PACS1: variants seen among roughly 807,000 people sequenced by gnomAD.
PACS1 encodes the protein PACS-1.
Under a neutral mutation model 115.0 loss-of-function variants are expected in PACS1, and 24 were observed. The ratio of observed to expected loss-of-function variants is 0.21; its 90% CI spans 0.15 to 0.29. The LOEUF (loss-of-function observed/expected upper bound fraction) is 0.29, where lower values mean the gene tolerates loss of function less well. Ranked by LOEUF, PACS1 falls within the 10% of genes least tolerant of loss-of-function variation. The pLI is 1.00. For missense variants in PACS1, 838 were observed against 1,251.2 expected, an observed-to-expected ratio of 0.67 and a Z score of 4.98; for synonymous variants, 453 against 504.5, an observed-to-expected ratio of 0.90 and a Z score of 1.37.
At chr11:66,175,525 C>T (rs957522408) in intron 1 of PACS1, among the ~76,000 whole-genome samples, 2 of 152,156 alleles carry the variant, frequency 1.3e-5, no homozygotes, top group African/African-American at 4.8e-5. Flanking sequence ...GCTCTAACTT[C>T]TCTGTTTTCT....
At chr11:66,129,323 T>G (rs1858649877) in intron 1 of PACS1, among the ~76,000 whole-genome samples, 1 of 151,342 alleles carries the variant, frequency 6.6e-6, no homozygotes, top group Non-Finnish European at 1.5e-5. Flanking sequence ...TCCCAGCTAC[T>G]TAGGAAGTTG....
At chr11:66,139,219 G>T (rs1439218432) in intron 1 of PACS1, among the ~76,000 whole-genome samples, 1 of 152,110 alleles carries the variant, frequency 6.6e-6, no homozygotes, top group Non-Finnish European at 1.5e-5. Flanking sequence ...TGGGTACATA[G>T]TGGGTGTATA....
chr11:66,158,196 T>G (rs1458367200), intron 1 of PACS1, among the ~76,000 whole-genome samples: 2 of 152,208 alleles, frequency 1.3e-5, no homozygotes, highest in Non-Finnish European at 2.9e-5. Context: ...CTCGAGCTCC[T>G]GAGCTCAAGT....
chr11:66,140,967 C>T (rs947091471), intron 1 of PACS1, among the ~76,000 whole-genome samples: 5 of 152,028 alleles, frequency 3.3e-5, no homozygotes, highest in Admixed American at 1.3e-4. Context: ...CCATACATAT[C>T]GTGGTATCTT....
intron 1 of PACS1, among the ~76,000 whole-genome samples, chr11:66,092,157 A>G (rs1050120677): frequency 2.6e-5 from 4 of 151,980 alleles, no homozygotes; most frequent in Non-Finnish European, 4.4e-5. Context: ...AAGTGTTCCT[A>G]TTTCTCCACA....
At chr11:66,098,108 T>C (rs1165841096) in intron 1 of PACS1, among the ~76,000 whole-genome samples, 1 of 152,196 alleles carries the variant, frequency 6.6e-6, no homozygotes, top group East Asian at 1.9e-4. Context: ...GCTCGGGAGA[T>C]GGAAGTTTCA....
At chr11:66,232,819 G>A in intron 14 of PACS1, 141 bp from the exon 15 acceptor site, 1 of 669,258 alleles carries the variant, frequency 1.5e-6, no homozygotes, top group South Asian at 1.8e-5. Flanking sequence ...CCGGAGACCT[G>A]GCTGCCTTTG....
At chr11:66,239,307 A>G in intron 21 of PACS1, 30 bp downstream of exon 21, 1 of 1,591,650 alleles carries the variant, frequency 6.3e-7, no homozygotes, top group Non-Finnish European at 8.6e-7. Context: ...CTGTCCTGCC[A>G]TGCCCTCCAT....
chr11:66,190,008 C>A (rs1364875783), intron 1 of PACS1, among the ~76,000 whole-genome samples: 1 of 152,218 alleles, frequency 6.6e-6, no homozygotes, highest in East Asian at 1.9e-4. Flanking sequence ...TGCTGCAGCT[C>A]TAAGACTAGC....
intron 1 of PACS1, among the ~76,000 whole-genome samples, chr11:66,075,795 G>A (rs1025662379): frequency 2.0e-5 from 3 of 146,566 alleles, no homozygotes; most frequent in African/African-American, 7.6e-5. Context: ...CTGGAATGCA[G>A]TGGCGCGATC....
intron 21 of PACS1, 58 bp from the exon 22 acceptor site, chr11:66,241,369 C>G (rs1403934632): frequency 7.4e-7 from 1 of 1,349,614 alleles, no homozygotes; most frequent in Admixed American, 2.0e-5. Context: ...CCCATCAGGC[C>G]TATGTAGTTG....
At chr11:66,176,415 A>ATTTTTT (rs11424379) in intron 1 of PACS1, among the ~76,000 whole-genome samples, 1 of 143,130 alleles carries the variant, frequency 7.0e-6, no homozygotes, top group Non-Finnish European at 1.5e-5. Context: ...TAAGATCCAG[A>ATTTTTT]TTTTTTTTTT....
intron 1 of PACS1, among the ~76,000 whole-genome samples, chr11:66,111,596 C>T (rs946223240): frequency 3.3e-5 from 5 of 152,224 alleles, no homozygotes; most frequent in Non-Finnish European, 7.3e-5. Flanking sequence ...ATATTATCCA[C>T]CTAGCTGCCT....
chr11:66,076,612 C>T (rs1395544913), intron 1 of PACS1, among the ~76,000 whole-genome samples: 3 of 152,118 alleles, frequency 2.0e-5, no homozygotes, highest in African/African-American at 7.2e-5. Flanking sequence ...AGGCTGGTTT[C>T]GAACTTCTGA....
At chr11:66,121,563 T>C (rs1858442458) in intron 1 of PACS1, among the ~76,000 whole-genome samples, 1 of 152,078 alleles carries the variant, frequency 6.6e-6, no homozygotes, top group Non-Finnish European at 1.5e-5. Flanking sequence ...GTTAACTAAG[T>C]TGTGAATGTA....
At chr11:66,169,810 GGTACTGA>G (rs1444521759) in intron 1 of PACS1, among the ~76,000 whole-genome samples, 1 of 149,780 alleles carries the variant, frequency 6.7e-6, no homozygotes, top group Non-Finnish European at 1.5e-5. Flanking sequence ...TTCTTTCTTG[GGTACTGA>G]GGTTATGTTA....
intron 1 of PACS1, among the ~76,000 whole-genome samples, chr11:66,083,042 G>A (rs553865033): frequency 7.9e-5 from 12 of 152,204 alleles, no homozygotes; most frequent in African/African-American, 2.9e-4. Flanking sequence ...AATCACAGGC[G>A]ATGGAATGGG....
chr11:66,153,064 A>G (rs1308402916), intron 1 of PACS1, among the ~76,000 whole-genome samples: 35 of 152,212 alleles, frequency 2.3e-4, no homozygotes, highest in Admixed American at 2.3e-3. Flanking sequence ...AATAGTAAAT[A>G]TGTAGGTAAA....
At chr11:66,217,310 A>G (rs932835884) in intron 7 of PACS1, 4 of 315,462 alleles carry the variant, frequency 1.3e-5, no homozygotes, top group Admixed American at 4.5e-5. Flanking sequence ...CTTTTCCTCC[A>G]TAAGACTTCC....
Sources: gnomAD v4.1 joint callset for allele counts (sites outside exome capture counted in the v4.1 genomes callset) on GRCh38, gnomAD v4.1.1 for gene constraint, MANE v1.5 for transcripts, NCBI Gene and HGNC (gene_info 2026-07-23, HGNC 2026-07-21) for gene names.